CPVL: variants seen among roughly 807,000 people sequenced by gnomAD.
The protein encoded by CPVL is carboxypeptidase vitellogenic like, also known as probable serine carboxypeptidase CPVL.
Under a neutral mutation model 63.7 loss-of-function variants are expected in CPVL, and 51 were observed. The ratio of observed to expected loss-of-function variants is 0.80; its 90% CI spans 0.64 to 1.01. The LOEUF (loss-of-function observed/expected upper bound fraction) is 1.01. Among genes scored for constraint, CPVL ranks in the 50% least tolerant of loss-of-function variants. The pLI is 0.00. For missense variants in CPVL, 530 were observed against 573.1 expected (o/e 0.92, Z 0.77); for synonymous variants, 195 against 206.0 (o/e 0.95, Z 0.46).
In CPVL at chr7:29,020,125, C is replaced by T. The variant is rs948778419; in HGVS notation, c.1320+10452G>A. Among the ~76,000 whole-genome samples the T allele has an allele frequency of 1.4e-4, 21 of 152,288 alleles. No homozygotes were observed. In the Middle Eastern group the frequency reaches 0.01, roughly 74 times the overall value. ...CAGCAATCTGGCCTCCCAAGCTGGA[C>T]GTTTTATGCAAAGAGCCAAGCAGGA... On this transcript the variant is annotated intron_variant, in intron 12 of 12. Transcript: ENST00000265394.
At chr7:29,007,090 C>T (rs1047579499) in intron 12 of CPVL, among the ~76,000 whole-genome samples, 7 of 152,138 alleles carry the variant, frequency 4.6e-5, no homozygotes, top group Non-Finnish European at 8.8e-5. Flanking sequence ...AGTATTTATC[C>T]GCTTTCCATT....
chr7:29,186,171 C>G (rs1400619908), intron 2 of CPVL, among the ~76,000 whole-genome samples: 2 of 152,124 alleles, frequency 1.3e-5, no homozygotes, highest in Non-Finnish European at 2.9e-5. Flanking sequence ...CTGTGCCTGT[C>G]CTTGCCAGGG....
chr7:29,002,496 T>G (rs2128126402), intron 12 of CPVL, among the ~76,000 whole-genome samples: 1 of 152,142 alleles, frequency 6.6e-6, no homozygotes, highest in East Asian at 1.9e-4. Context: ...TCTTCAACAT[T>G]TAATAAAATT....
chr7:29,141,781 G>C (rs1423758594), intron 1 of CPVL, among the ~76,000 whole-genome samples: 1 of 149,270 alleles, frequency 6.7e-6, no homozygotes, highest in African/African-American at 2.5e-5. Flanking sequence ...CAGGCGTGGG[G>C]GTACACGCCT....
At chr7:29,152,723 C>T (rs910302004) in intron 5 of CPVL, among the ~76,000 whole-genome samples, 4 of 152,200 alleles carry the variant, frequency 2.6e-5, no homozygotes, top group Admixed American at 2.0e-4. Flanking sequence ...TGCTCTGAGA[C>T]GGTTGGAAGA....
chr7:29,026,666 A>G (rs1209636386), intron 12 of CPVL, among the ~76,000 whole-genome samples: 1 of 152,176 alleles, frequency 6.6e-6, no homozygotes, highest in Non-Finnish European at 1.5e-5. Flanking sequence ...AGACATTACA[A>G]TCGATACCAC....
chr7:29,181,519 A>C (rs1299101252), intron 4 of CPVL: 1 of 152,258 alleles, frequency 6.6e-6, no homozygotes, highest in Non-Finnish European at 1.5e-5. Flanking sequence ...ATTTCAATCA[A>C]TGGAGGAATA....
chr7:29,174,595 C>G (rs1797031363), intron 5 of CPVL, among the ~76,000 whole-genome samples: 1 of 152,200 alleles, frequency 6.6e-6, no homozygotes, highest in South Asian at 2.1e-4. Flanking sequence ...GGTGCAGTGA[C>G]TCACGCCTGT....
intron 11 of CPVL, among the ~76,000 whole-genome samples, chr7:29,054,301 C>G (rs1272963968): frequency 6.6e-6 from 1 of 152,070 alleles, no homozygotes; most frequent in African/African-American, 2.4e-5. Flanking sequence ...TAAATATATT[C>G]TTTAGAAGCT....
intron 1 of CPVL, among the ~76,000 whole-genome samples, chr7:29,189,806 G>T (rs1015580608): frequency 6.6e-6 from 1 of 152,094 alleles, no homozygotes; most frequent in East Asian, 1.9e-4. Flanking sequence ...GGCCAAATAG[G>T]ATACTCCAGG....
At chr7:29,114,350 C>T (rs1788553633) in intron 2 of CPVL, among the ~76,000 whole-genome samples, 1 of 152,154 alleles carries the variant, frequency 6.6e-6, no homozygotes, top group Non-Finnish European at 1.5e-5. Flanking sequence ...GACTTGCCAG[C>T]TAGTAGAGGA....
intron 5 of CPVL, among the ~76,000 whole-genome samples, chr7:29,155,003 G>A (rs1794137197): frequency 6.6e-6 from 1 of 152,204 alleles, no homozygotes; most frequent in African/African-American, 2.4e-5. Flanking sequence ...CAGGCAAAGA[G>A]AAGGGTGCTT....
upstream of CPVL, among the ~76,000 whole-genome samples, chr7:29,149,311 C>T (rs1211219815): frequency 1.3e-5 from 2 of 150,220 alleles, no homozygotes; most frequent in East Asian, 4.0e-4. Flanking sequence ...CCTGCTTCAG[C>T]CCCCCGAGTA....
At position 29,142,245 on chromosome 7, in the gene CPVL, C is replaced by T. The variant is rs533398066; in HGVS notation, c.-11+4184G>A. Among the ~76,000 whole-genome samples, 4 of 152,246 alleles carry T rather than the reference C, an allele frequency of 2.6e-5. No individual in the cohort carries two copies. In the East Asian group the frequency reaches 7.7e-4, roughly 29 times the overall value. ...AAAATACTAACAGATCATTGAACACCTGTATTTATTTTTTGCTCCAAGGAC... is the reference window on the plus strand; with the variant it reads ...AAAATACTAACAGATCATTGAACACTTGTATTTATTTTTTGCTCCAAGGAC... On this transcript the variant is annotated intron_variant, in intron 1 of 12. Transcript: ENST00000265394.
At position 29,041,865 on chromosome 7, in the gene CPVL, TATG is replaced by T. The variant is rs567211600; in HGVS notation, c.1138-11109_1138-11107del. Among the ~76,000 whole-genome samples the T allele has an allele frequency of 2.9e-3, 447 of 152,340 alleles. 1 individual carries two copies. The highest frequency in any genetic ancestry group is 6.2e-3 in the Admixed American group (95 of 15,300). ...ATTTCTTAGTATCAATTAAAATTAA[TATG>T]ATGACATTATATATATATAGTGTTA... On this transcript the variant is annotated intron_variant, in intron 11 of 12. Coordinates refer to ENST00000265394, the MANE Select transcript of CPVL (RefSeq NM_031311.5).
At chr7:29,086,606 T>C in intron 6 of CPVL, 56 bp from the exon 7 acceptor site, 1 of 1,270,966 alleles carries the variant, frequency 7.9e-7, no homozygotes, top group Non-Finnish European at 1.1e-6. Flanking sequence ...ATTCAGGATC[T>C]CTTCATGCTA....
chr7:29,074,234 C>A (rs147796772), intron 7 of CPVL, among the ~76,000 whole-genome samples: 1,983 of 152,276 alleles, frequency 0.013, 23 homozygotes, highest in Admixed American at 0.023. Context: ...ATACAGCTCT[C>A]TTGTGCAATA....
chr7:29,071,782 C>G lies in CPVL; in HGVS notation c.855G>C (p.Glu285Asp), dbSNP rs1783767648. ...GGCCCCCAGAACTCACTTCAAAGGC[C>G]TCAAACCAGTTCTGCTTCCTGATGT... ...IEHIRKQNWF[E>D]AFEILDKLLD... The change falls in exon 9 of 13, where the codon GAG (glutamate) becomes GAC (aspartate). Residue 285 changes from glutamate (E) to aspartate (D), a missense_variant. By Grantham distance (45) the Glu-to-Asp change is conservative. Coordinates refer to ENST00000265394, the MANE Select transcript of CPVL (RefSeq NM_031311.5). The G allele has an allele frequency of 3.7e-6, 6 of 1,610,702 alleles. No homozygotes were observed. The highest frequency in any genetic ancestry group is 5.1e-6 in the Non-Finnish European group (6 of 1,177,956).
intron 1 of CPVL, chr7:29,193,496 C>G (rs925076304): frequency 4.6e-5 from 7 of 152,076 alleles, no homozygotes; most frequent in African/African-American, 1.2e-4. Context: ...AATGAGAGTA[C>G]TTTCATTCCT....
Sources: gnomAD v4.1 joint callset for allele counts (sites outside exome capture counted in the v4.1 genomes callset) on GRCh38, gnomAD v4.1.1 for gene constraint, MANE v1.5 for transcripts, NCBI Gene and HGNC (gene_info 2026-07-23, HGNC 2026-07-21) for gene names.